Variants in CSMD1 observed in about 807,000 individuals in gnomAD.
The protein encoded by CSMD1 is CUB and Sushi multiple domains 1, also known as CUB and sushi domain-containing protein 1.
Under a neutral mutation model 417.5 loss-of-function variants are expected in CSMD1, and 213 were observed. The observed-to-expected ratio is 0.51, with a 90% CI of 0.46 to 0.57. CSMD1 has a LOEUF of 0.57. Ranked by LOEUF, CSMD1 falls within the 20% of genes least tolerant of loss-of-function variation. The pLI, the probability that CSMD1 is intolerant of heterozygous loss-of-function variation, is 0.00. For synonymous variants in CSMD1, 2,862 were observed against 1,736.8 expected (o/e 1.65, Z -16.11); for missense variants, 6,923 against 4,529.7 (o/e 1.53, Z -15.17).
At chr8:4,894,384 A>G (rs1394566554) in intron 1 of CSMD1, among the ~76,000 whole-genome samples, 1 of 151,850 alleles carries the variant, frequency 6.6e-6, no homozygotes, top group African/African-American at 2.4e-5. Context: ...TTACTTTCAT[A>G]TTCTCTCTTT....
intron 42 of CSMD1, among the ~76,000 whole-genome samples, chr8:3,114,087 A>C (rs1237963024): frequency 1.3e-5 from 2 of 150,650 alleles, no homozygotes; most frequent in East Asian, 3.9e-4. Context: ...ACAAACAAAA[A>C]ACATTAATTA....
chr8:4,109,209 T>C (rs148875811), intron 3 of CSMD1, among the ~76,000 whole-genome samples: 1,559 of 152,286 alleles, frequency 0.01, 17 homozygotes, highest in African/African-American at 0.036. Flanking sequence ...AAATCCTGAA[T>C]ATTTTCGGTA....
intron 12 of CSMD1, among the ~76,000 whole-genome samples, chr8:3,436,075 C>T (rs1342147637): frequency 2.0e-5 from 3 of 152,180 alleles, no homozygotes; most frequent in Non-Finnish European, 1.5e-5. Context: ...ACTCACACTG[C>T]TGGTTCCACC....
chr8:2,942,493 G>A lies in CSMD1; in HGVS notation c.10514C>T (p.Ala3505Val). The A allele has an allele frequency of 6.2e-7, 1 of 1,613,080 alleles. No individual in the cohort carries two copies. The highest frequency in any genetic ancestry group is 8.5e-7 in the Non-Finnish European group (1 of 1,179,432). ...GTACCTGTGTTTGTAGAGGTAAAAT[G>A]CAAACCCTGATAAAATTAGAGCAAA... Reference protein sequence around the residue: ...PFFALILSGFAFYLYKHRTRP... With the variant: ...PFFALILSGFVFYLYKHRTRP... Residue 3505 changes from alanine to valine, a missense_variant, in exon 69 of 70, where the codon GCA becomes GTA. Coordinates refer to ENST00000635120, the MANE Select transcript of CSMD1 (RefSeq NM_033225.6).
At chr8:4,042,358 G>T (rs912013641) in intron 3 of CSMD1, among the ~76,000 whole-genome samples, 1 of 152,116 alleles carries the variant, frequency 6.6e-6, no homozygotes, top group Admixed American at 6.5e-5. Context: ...TCTTCAGAAA[G>T]AATGAAACCA....
chr8:3,821,488 A>G (rs192837236), intron 5 of CSMD1, among the ~76,000 whole-genome samples: 2 of 145,990 alleles, frequency 1.4e-5, no homozygotes, highest in East Asian at 1.9e-4. Context: ...TGGCTCCATT[A>G]AAGTCTACCA....
chr8:4,845,429 T>A (rs1801085771), intron 1 of CSMD1, among the ~76,000 whole-genome samples: 1 of 152,186 alleles, frequency 6.6e-6, no homozygotes, highest in African/African-American at 2.4e-5. Flanking sequence ...AGAACTTGAA[T>A]CAACCAATAA....
chr8:4,464,130 G>A (rs748831703), intron 2 of CSMD1, among the ~76,000 whole-genome samples: 12 of 148,734 alleles, frequency 8.1e-5, no homozygotes, highest in Middle Eastern at 3.5e-3. Context: ...ACCTTGAGTC[G>A]AAGGCTTATC....
At chr8:3,986,845 C>T (rs988626822) in intron 5 of CSMD1, among the ~76,000 whole-genome samples, 1 of 152,012 alleles carries the variant, frequency 6.6e-6, no homozygotes, top group African/African-American at 2.4e-5. Context: ...AATCTCTGCT[C>T]CCAGGTTCAA....
At chr8:4,074,129 C>G (rs772912543) in intron 3 of CSMD1, among the ~76,000 whole-genome samples, 3 of 151,944 alleles carry the variant, frequency 2.0e-5, no homozygotes, top group South Asian at 4.2e-4. Flanking sequence ...TTAAGTTGAT[C>G]ATGCTCTCCA....
Position 4,146,594 on chromosome 8 carries a change from A to ATTTTTTTTT in CSMD1, c.416-114504_416-114496dup, listed in dbSNP as rs71205423. ...TCTGTCTAAATGTTTATATGGACAC[A>ATTTTTTTTT]TTTTTTTTTTTTTTTTTTTTTTTTT... is the stretch of plus-strand genomic sequence containing the variant. On this transcript the variant is annotated intron_variant, in intron 3 of 69. Coordinates refer to ENST00000635120, the MANE Select transcript of CSMD1 (RefSeq NM_033225.6). 3.6e-4 allele frequency among the ~76,000 whole-genome samples: 23 copies of ATTTTTTTTT among 64,250 alleles called. 1 individual carries two copies. Among genetic ancestry groups the ATTTTTTTTT allele is most frequent in the Non-Finnish European group, 4.7e-4 (18 of 38,554 alleles). 42.2% of individuals were successfully genotyped at this position (64,250 alleles called of 152,430 possible).
chr8:4,855,024 T>A (rs1326155433), intron 1 of CSMD1, among the ~76,000 whole-genome samples: 1 of 152,016 alleles, frequency 6.6e-6, no homozygotes, highest in Non-Finnish European at 1.5e-5. Context: ...GTCTGACAGG[T>A]TTGAAGAGAG....
intron 3 of CSMD1, among the ~76,000 whole-genome samples, chr8:4,171,282 T>C (rs749501602): frequency 3.9e-5 from 6 of 151,932 alleles, no homozygotes; most frequent in Non-Finnish European, 8.8e-5. Context: ...TCACCTGGCA[T>C]TTATTGTAAG....
Position 3,139,421 on chromosome 8 carries a change from G to A in CSMD1, c.6241+3044C>T, listed in dbSNP as rs145804586. ...TCTGGCCCCTGAAGCCAAGGGAAAA[G>A]GGCGTCAAGAGAAATGGTAGCCATG... On this transcript the variant is annotated intron_variant, in intron 41 of 69. Transcript: ENST00000635120. Among the ~76,000 whole-genome samples the A allele has an allele frequency of 1.8e-3, 272 of 152,294 alleles. 1 individual carries two copies. Among genetic ancestry groups the A allele is most frequent in the African/African-American group, 6.3e-3 (260 of 41,558 alleles).
intron 42 of CSMD1, among the ~76,000 whole-genome samples, chr8:3,116,612 G>C (rs1486049081): frequency 6.6e-6 from 1 of 152,080 alleles, no homozygotes; most frequent in Non-Finnish European, 1.5e-5. Context: ...AAAGGTGGCA[G>C]GCATCACTTT....
rs182454391 is a variant in CSMD1, at chr8:4,428,093, G to T, written c.303-8028C>A. Reference sequence around the variant, plus strand: ...TCGTTTTCATATCAGACAATATCAAGAGTGAATGGGATACATCTCTGATGC... The same window carrying T: ...TCGTTTTCATATCAGACAATATCAATAGTGAATGGGATACATCTCTGATGC... On this transcript the variant is annotated intron_variant, in intron 2 of 69. Coordinates refer to ENST00000635120, the MANE Select transcript of CSMD1 (RefSeq NM_033225.6). Among the ~76,000 whole-genome samples, 3 of 152,254 alleles carry T rather than the reference G, an allele frequency of 2.0e-5. No individual in the cohort carries two copies. In the East Asian group the frequency reaches 5.8e-4, roughly 29 times the overall value.
chr8:3,939,404 T>C (rs1810723743), intron 5 of CSMD1, among the ~76,000 whole-genome samples: 1 of 152,148 alleles, frequency 6.6e-6, no homozygotes, highest in Admixed American at 6.5e-5. Flanking sequence ...ACTTTTACAC[T>C]ACTGGTGTGT....
At chr8:4,464,657 G>T (rs1375354250) in intron 2 of CSMD1, among the ~76,000 whole-genome samples, 1 of 152,172 alleles carries the variant, frequency 6.6e-6, no homozygotes, top group Non-Finnish European at 1.5e-5. Context: ...GGTAAGTCAG[G>T]GGCCGCCTGT....
intron 2 of CSMD1, among the ~76,000 whole-genome samples, chr8:4,614,718 C>T (rs1801379008): frequency 6.6e-6 from 1 of 151,994 alleles, no homozygotes; most frequent in African/African-American, 2.4e-5. Flanking sequence ...ACGAACACTT[C>T]CTTAAAATAT....
Sources: allele counts gnomAD v4.1 joint callset (sites outside exome capture counted in the v4.1 genomes callset), GRCh38; gene constraint gnomAD v4.1.1; transcripts MANE v1.5; gene names NCBI Gene and HGNC (gene_info 2026-07-23, HGNC 2026-07-21).